CHRM3: variants seen among roughly 807,000 people sequenced by gnomAD.
CHRM3 encodes the protein cholinergic receptor muscarinic 3.
Under a neutral mutation model 41.8 loss-of-function variants are expected in CHRM3, and 11 were observed. The ratio of observed to expected loss-of-function variants is 0.26; its 90% CI spans 0.17 to 0.44. The LOEUF is 0.44. Ranked by LOEUF, CHRM3 falls within the 20% of genes least tolerant of loss-of-function variation. The pLI is 1.00. For synonymous variants in CHRM3, 297 were observed against 301.4 expected, an observed-to-expected ratio of 0.99 and a Z score of 0.15; for missense variants, 571 against 745.4, an observed-to-expected ratio of 0.77 and a Z score of 2.72.
intron 6 of CHRM3, among the ~76,000 whole-genome samples, chr1:239,864,502 C>T (rs1048719485): frequency 1.2e-4 from 18 of 149,722 alleles, no homozygotes; most frequent in African/African-American, 3.0e-4. Context: ...AGCGAAACTC[C>T]GTCTCAAAAC....
In CHRM3 at chr1:239,733,567, G is replaced by A. The variant is rs115665315; in HGVS notation, c.-147+55279G>A. ...GAGGCTATTAGTAAGTGTTTATTTTGCTATCAGGCTCTGGAGATGCATATA... is the reference window on the plus strand; with the variant it reads ...GAGGCTATTAGTAAGTGTTTATTTTACTATCAGGCTCTGGAGATGCATATA... On this transcript the variant is annotated intron_variant, in intron 5 of 6. Coordinates refer to ENST00000676153, the MANE Select transcript of CHRM3 (RefSeq NM_001375978.1). Among the ~76,000 whole-genome samples the A allele has an allele frequency of 3.0e-3, 452 of 152,038 alleles. 4 individuals are homozygous for A. Among genetic ancestry groups the A allele is most frequent in the African/African-American group, 0.01 (420 of 41,506 alleles).
chr1:239,600,633 T>C (rs1665403621), intron 3 of CHRM3, among the ~76,000 whole-genome samples: 1 of 152,068 alleles, frequency 6.6e-6, no homozygotes, highest in African/African-American at 2.4e-5. Flanking sequence ...CAACAACCTA[T>C]AAATATATCA....
chr1:239,517,738 C>T (rs1408331675), intron 2 of CHRM3, among the ~76,000 whole-genome samples: 1 of 152,110 alleles, frequency 6.6e-6, no homozygotes, highest in Admixed American at 6.5e-5. Flanking sequence ...TTTTGAAAGA[C>T]TCATTTTAGG....
At chr1:239,459,469 A>T (rs1367242510) in intron 1 of CHRM3, among the ~76,000 whole-genome samples, 4 of 152,098 alleles carry the variant, frequency 2.6e-5, no homozygotes, top group African/African-American at 7.2e-5. Flanking sequence ...TTTGCTTTCC[A>T]TATTAATATC....
rs143586096 is a variant in CHRM3 at position 239,716,293 on chromosome 1, G to A, written c.-147+38005G>A. Among the ~76,000 whole-genome samples the A allele has an allele frequency of 5.9e-5, 9 of 152,204 alleles. 1 individual carries two copies. In the East Asian group the frequency reaches 1.4e-3, roughly 23 times the overall value. On this transcript the variant is annotated intron_variant, in intron 5 of 6. Coordinates refer to ENST00000676153, the MANE Select transcript of CHRM3 (RefSeq NM_001375978.1). ...ACAAAGTCGGTAGAGTTGAAAAGTT[G>A]GTTGGCGCTGTTTAGAGAATAACTT...
chr1:239,552,205 T>C (rs1431550124), intron 3 of CHRM3, among the ~76,000 whole-genome samples: 2 of 148,362 alleles, frequency 1.3e-5, no homozygotes, highest in African/African-American at 4.9e-5. Flanking sequence ...AGATGATATG[T>C]ATCGTATATT....
chr1:239,597,225 C>T (rs575864297), intron 3 of CHRM3, among the ~76,000 whole-genome samples: 7 of 151,872 alleles, frequency 4.6e-5, no homozygotes, highest in African/African-American at 9.7e-5. Flanking sequence ...AACTGGGCAC[C>T]GGAGAAAAAA....
In CHRM3 at chr1:239,908,782, A is replaced by C. The variant is rs200801228; in HGVS notation, c.1331A>C (p.Asn444Thr). 232 of 1,613,580 alleles carry C rather than the reference A, an allele frequency of 1.4e-4. No individual in the cohort carries two copies. Among genetic ancestry groups the C allele is most frequent in the Non-Finnish European group, 1.8e-4 (214 of 1,179,956 alleles). Residue 444 changes from asparagine (N) to threonine (T), a missense_variant, in exon 7 of 7, where the codon AAC becomes ACC. Asn to Thr is a moderately conservative substitution (Grantham distance 65). This residue lies in a region of CHRM3 where 239 missense variants were observed against 239.6 expected (regional missense o/e 1.00). Coordinates refer to ENST00000676153, the MANE Select transcript of CHRM3 (RefSeq NM_001375978.1). The surrounding 1 kb of genome is among the most constrained non-coding windows in gnomAD (Gnocchi z 7.2). ...GACACAGCTAAGACTTCTGACGTCA[A>C]CTCCTCAGTGGGTAAGAGCACGGCC... ...AVDTAKTSDV[N>T]SSVGKSTATL...
chr1:239,439,700 A>G (rs1227211999), intron 1 of CHRM3, among the ~76,000 whole-genome samples: 1 of 152,214 alleles, frequency 6.6e-6, no homozygotes, highest in African/African-American at 2.4e-5. Flanking sequence ...TTGGTTGATC[A>G]TGATCTATTA....
chr1:239,850,636 G>A (rs1002039310), intron 6 of CHRM3, among the ~76,000 whole-genome samples: 2 of 152,106 alleles, frequency 1.3e-5, no homozygotes, highest in Admixed American at 6.6e-5. Flanking sequence ...TAATCCCCAC[G>A]TGTTTCGGGA....
intron 6 of CHRM3, among the ~76,000 whole-genome samples, chr1:239,880,979 T>G (rs1677538856): frequency 6.6e-6 from 1 of 152,096 alleles, no homozygotes; most frequent in South Asian, 2.1e-4. Flanking sequence ...AGGCAAGTGC[T>G]AAGTAAAAGA....
chr1:239,794,678 C>T (rs138207808), intron 5 of CHRM3, among the ~76,000 whole-genome samples: 1 of 152,254 alleles, frequency 6.6e-6, no homozygotes, highest in Non-Finnish European at 1.5e-5. Context: ...TCTAACTCCA[C>T]GCTTTTAATT....
intron 6 of CHRM3, among the ~76,000 whole-genome samples, chr1:239,899,459 C>T (rs957000341): frequency 6.8e-6 from 1 of 146,344 alleles, no homozygotes; most frequent in Admixed American, 6.8e-5. Flanking sequence ...TATGTATATA[C>T]ATACGTATAT....
chr1:239,906,851 C>T (rs1016485021), intron 6 of CHRM3, among the ~76,000 whole-genome samples: 3 of 152,066 alleles, frequency 2.0e-5, no homozygotes, highest in African/African-American at 4.8e-5. Flanking sequence ...TTACAAGGAA[C>T]GGATGTCTTA....
At chr1:239,783,680 T>C (rs925996492) in intron 5 of CHRM3, among the ~76,000 whole-genome samples, 2 of 152,188 alleles carry the variant, frequency 1.3e-5, no homozygotes, top group African/African-American at 4.8e-5. Context: ...CATTTAAGAA[T>C]TGCAAGATAA....
At chr1:239,410,908 G>GT (rs994661427) in intron 1 of CHRM3, among the ~76,000 whole-genome samples, 10 of 152,140 alleles carry the variant, frequency 6.6e-5, no homozygotes, top group Middle Eastern at 3.2e-3. Flanking sequence ...GCTTCTCACT[G>GT]TTTTTTTCAG....
chr1:239,403,960 G>GGA (rs1660197875), intron 1 of CHRM3, among the ~76,000 whole-genome samples: 1 of 100,102 alleles, frequency 1.0e-5, no homozygotes, highest in Non-Finnish European at 2.0e-5. Context: ...AGGGAGGGAG[G>GGA]GAGGGAGAGG....
chr1:239,814,214 CTCTT>C (rs1172636355), intron 5 of CHRM3, among the ~76,000 whole-genome samples: 2 of 152,116 alleles, frequency 1.3e-5, no homozygotes, highest in Non-Finnish European at 2.9e-5. Context: ...GGTTCTCCCT[CTCTT>C]TGTTTCTCTC....
intron 6 of CHRM3, among the ~76,000 whole-genome samples, chr1:239,879,272 G>A (rs72760712): frequency 0.1 from 15,459 of 152,074 alleles, 1,180 homozygotes; most frequent in East Asian, 0.4. Flanking sequence ...CTGGGATTAC[G>A]GGTGTGAGCC....
Sources: allele counts gnomAD v4.1 joint callset (sites outside exome capture counted in the v4.1 genomes callset), GRCh38; gene constraint gnomAD v4.1.1; regional missense constraint gnomAD v4.1.1; non-coding constraint Gnocchi (gnomAD v3.1); transcripts MANE v1.5; gene names NCBI Gene and HGNC (gene_info 2026-07-23, HGNC 2026-07-21).